Variants in MDM2 observed in about 807,000 individuals in gnomAD.
The protein encoded by MDM2 is MDM2 proto-oncogene.
A neutral mutation model predicts 64.3 loss-of-function variants in MDM2; 11 were observed. The observed-to-expected ratio is 0.17, with a 90% CI of 0.11 to 0.28. The LOEUF is 0.28. Ranked by LOEUF, MDM2 falls within the 10% of genes least tolerant of loss-of-function variation. The pLI, the probability that MDM2 is intolerant of heterozygous loss-of-function variation, is 1.00. For missense variants in MDM2, 388 were observed against 577.1 expected, an observed-to-expected ratio of 0.67 and a Z score of 3.36; for synonymous variants, 194 against 192.9, an observed-to-expected ratio of 1.01 and a Z score of -0.05.
intron 4 of MDM2, among the ~76,000 whole-genome samples, chr12:68,818,411 CTG>C (rs1339261551): frequency 6.6e-6 from 1 of 151,392 alleles, no homozygotes; most frequent in Non-Finnish European, 1.5e-5. Flanking sequence ...AAAAAAAGGA[CTG>C]TAGTTTGTTA....
intron 8 of MDM2, among the ~76,000 whole-genome samples, chr12:68,831,967 G>A (rs1435622253): frequency 6.6e-6 from 1 of 152,142 alleles, no homozygotes; most frequent in Non-Finnish European, 1.5e-5. Flanking sequence ...CTACTCAGGA[G>A]GCTGAGACAG....
Position 68,820,357 on chromosome 12 carries a change from T to C in MDM2, c.341T>C (p.Val114Ala), listed in dbSNP as rs2136128972. The change falls in exon 5 of 11, where the codon GTA (valine) becomes GCA (alanine). Residue 114 changes from valine (V) to alanine (A), a missense_variant. Val to Ala is a moderately conservative substitution (Grantham distance 64). This residue lies in a region of MDM2 where 168 missense variants were observed against 236.6 expected (regional missense o/e 0.71). Coordinates refer to ENST00000258149, the MANE Select transcript of MDM2 (RefSeq NM_002392.6). ...TATACCATGATCTACAGGAACTTGG[T>C]AGTAGTCAATCAGCAGGGTAAGTTA... ...KIYTMIYRNL[V>A]VVNQQESSDS... is the part of the protein sequence containing the mutation. 2 of 1,605,144 alleles carry C rather than the reference T, an allele frequency of 1.2e-6. No individual in the cohort carries two copies. The highest frequency in any genetic ancestry group is 1.7e-6 in the Non-Finnish European group (2 of 1,175,980).
chr12:68,834,990 G>T (rs1355983398), intron 8 of MDM2, among the ~76,000 whole-genome samples: 1 of 151,964 alleles, frequency 6.6e-6, no homozygotes, highest in African/African-American at 2.4e-5. Context: ...ATTGTCTAAA[G>T]GCTCTTTAAA....
At chr12:68,827,487 T>A (rs141761860) in intron 7 of MDM2, among the ~76,000 whole-genome samples, 30 of 152,330 alleles carry the variant, frequency 2.0e-4, no homozygotes, top group Middle Eastern at 3.4e-3. Context: ...GTTGCAGATA[T>A]TATCTTCGAA....
chr12:68,808,855 C>T, intron 1 of MDM2: 1 of 1,322,642 alleles, frequency 7.6e-7, no homozygotes, highest in Non-Finnish European at 9.8e-7. Context: ...AGTGTGAACG[C>T]TGCGCGTAGT....
chr12:68,847,149 T>C (rs992399786), downstream of MDM2: 6 of 112,410 alleles, frequency 5.3e-5, no homozygotes, highest in African/African-American at 3.0e-4. Context: ...ATATATTACA[T>C]ATATATATAT....
chr12:68,834,275 C>G (rs934129200), intron 8 of MDM2, among the ~76,000 whole-genome samples: 1 of 152,086 alleles, frequency 6.6e-6, no homozygotes, highest in African/African-American at 2.4e-5. Flanking sequence ...AACCCCGTCT[C>G]CACTAAAAAC....
At chr12:68,847,347 T>G (rs1884389663), downstream of MDM2, 1 of 149,538 alleles carries the variant, frequency 6.7e-6, no homozygotes, top group African/African-American at 2.5e-5. Context: ...TCTGGTGAAT[T>G]AAGCCTTTTT....
At chr12:68,808,634 G>A in intron 1 of MDM2, 143 bp downstream of exon 1, 1 of 1,272,866 alleles carries the variant, frequency 7.9e-7, no homozygotes, top group Non-Finnish European at 1.1e-6. Flanking sequence ...GGGGCATGGG[G>A]CACGTGGCTT....
intron 4 of MDM2, among the ~76,000 whole-genome samples, chr12:68,818,238 G>C (rs1881553445): frequency 1.3e-5 from 2 of 152,098 alleles, no homozygotes; most frequent in Admixed American, 1.3e-4. Flanking sequence ...CAATAGTATA[G>C]CTGAAAAGAT....
chr12:68,817,477 C>T lies in MDM2; in HGVS notation c.308+532C>T, dbSNP rs1054006438. ...AATATTTCTAGAAATAGGCCTGGTG[C>T]GGTGGCTCACACCTGTAATCCCAGC... On this transcript the variant is annotated intron_variant, in intron 4 of 10. Transcript: ENST00000258149. Among the ~76,000 whole-genome samples the T allele has an allele frequency of 1.1e-4, 17 of 152,226 alleles. No homozygotes were observed. The East Asian group carries it at 1.9e-3, about 17-fold the overall frequency.
chr12:68,838,841 T>C (rs1455982510), intron 10 of MDM2, among the ~76,000 whole-genome samples: 2 of 152,204 alleles, frequency 1.3e-5, no homozygotes, highest in Non-Finnish European at 2.9e-5. Context: ...TTAGAATTTT[T>C]CAGGATGGTA....
At chr12:68,849,510 A>G (rs1476130128), downstream of MDM2, 1 of 152,040 alleles carries the variant, frequency 6.6e-6, no homozygotes. Flanking sequence ...CCCAAGGTCA[A>G]ATGATTCTCC....
At position 68,822,746 on chromosome 12, in the gene MDM2, C is replaced by CT. The variant is rs35863515; in HGVS notation, c.359-1605dup. Among the ~76,000 whole-genome samples the CT allele has an allele frequency of 5.8e-3, 854 of 146,390 alleles. 16 individuals are homozygous for CT. The highest frequency in any genetic ancestry group is 0.017 in the African/African-American group (660 of 38,956). ...CTATTCCATGTTCTCAACTTTGTCA[C>CT]TTTTTTTTTTTTGAGATGGAGTCTC... is the stretch of plus-strand genomic sequence containing the variant. On this transcript the variant is annotated intron_variant, in intron 5 of 10. Transcript: ENST00000258149.
rs1565754850 is a variant in MDM2 at position 68,845,231 on chromosome 12, TAAA to T, written c.*5386_*5388del. On this transcript the variant is annotated 3_prime_UTR_variant, in exon 11 of 11. Transcript: ENST00000258149. ...AAAAAGAAAAAGTATTTCTTCAGCT[TAAA>T]AAATTGTTTAAAAGTTTGTGATCAT... 6 of 216,892 alleles carry T rather than the reference TAAA, an allele frequency of 2.8e-5. No homozygotes were observed. Among genetic ancestry groups the T allele is most frequent in the Admixed American group, 5.8e-5 (1 of 17,234 alleles). 13.4% of individuals were successfully genotyped at this position (216,892 alleles called of 1,614,324 possible).
At chr12:68,829,999 A>G (rs987987302) in intron 8 of MDM2, among the ~76,000 whole-genome samples, 2 of 152,214 alleles carry the variant, frequency 1.3e-5, no homozygotes, top group African/African-American at 4.8e-5. Context: ...TGTGGGCCAT[A>G]TGCCAGGATG....
At chr12:68,829,727 C>T (rs1882638237) in intron 8 of MDM2, among the ~76,000 whole-genome samples, 1 of 147,090 alleles carries the variant, frequency 6.8e-6, no homozygotes, top group Non-Finnish European at 1.5e-5. Context: ...GATTGTGCCA[C>T]TGCACTCTAG....
At position 68,844,970 on chromosome 12, in the gene MDM2, G is replaced by A. The variant is rs1394232044; in HGVS notation, c.*5121G>A. ...TCTAGCAGAGATGAAGTTTCACTAT[G>A]TTGGCCAGGCTGGGCTCAAACTCCT... On this transcript the variant is annotated 3_prime_UTR_variant, in exon 11 of 11. Transcript: ENST00000258149. The A allele has an allele frequency of 1.6e-5, 3 of 193,486 alleles. No homozygotes were observed. Among genetic ancestry groups the A allele is most frequent in the Non-Finnish European group, 3.2e-5 (3 of 92,778 alleles). 12.0% of individuals were successfully genotyped at this position (193,486 alleles called of 1,614,324 possible).
Position 68,839,892 on chromosome 12 carries a change from C to T in MDM2, c.*43C>T, listed in dbSNP as rs917548367. ...GAATTATATATTTCTAACTATATAACCCTAGGAATTTAGACAACCTGAAAT... is the reference window on the plus strand; with the variant it reads ...GAATTATATATTTCTAACTATATAATCCTAGGAATTTAGACAACCTGAAAT... On this transcript the variant is annotated 3_prime_UTR_variant, in exon 11 of 11. Coordinates refer to ENST00000258149, the MANE Select transcript of MDM2 (RefSeq NM_002392.6). 2.6e-6 allele frequency: 4 copies of T among 1,528,632 alleles called. No homozygotes were observed. The highest frequency in any genetic ancestry group is 3.5e-6 in the Non-Finnish European group (4 of 1,127,144). The allele number at this position is 1,528,632 out of a possible 1,614,324, so 94.7% of individuals were successfully genotyped here.
Sources: allele counts gnomAD v4.1 joint callset (sites outside exome capture counted in the v4.1 genomes callset), GRCh38; gene constraint gnomAD v4.1.1; regional missense constraint gnomAD v4.1.1; transcripts MANE v1.5; gene names NCBI Gene and HGNC (gene_info 2026-07-23, HGNC 2026-07-21).